The following PRKCQ variants were observed in gnomAD, a reference collection of about 807,000 sequenced individuals.
PRKCQ encodes the protein protein kinase C theta, also known as protein kinase C theta type.
Under a neutral mutation model 91.2 loss-of-function variants are expected in PRKCQ, and 41 were observed. That is an observed-to-expected ratio of 0.45 (90% CI 0.35 to 0.58). PRKCQ has a LOEUF of 0.58. PRKCQ is among the 20% of genes least tolerant of loss of function. The pLI is 0.00. For synonymous variants in PRKCQ, 307 were observed against 316.9 expected (o/e 0.97, Z 0.33); for missense variants, 673 against 896.5 (o/e 0.75, Z 3.18).
At chr10:6,411,899 C>T in the PRKCQ span, among the ~76,000 whole-genome samples, 2 of 152,130 alleles carry the variant, frequency 1.3e-5, no homozygotes, top group Admixed American at 1.3e-4. Flanking sequence ...ATAGATAACA[C>T]TTATTTGTTT....
the PRKCQ span, among the ~76,000 whole-genome samples, chr10:6,412,263 T>C: frequency 6.6e-6 from 1 of 152,212 alleles, no homozygotes; most frequent in Non-Finnish European, 1.5e-5. Context: ...GACTCTAAAG[T>C]CATATTTGGG....
intron 1 of PRKCQ, among the ~76,000 whole-genome samples, chr10:6,540,624 T>C (rs1456007692): frequency 6.6e-6 from 1 of 152,228 alleles, no homozygotes; most frequent in Non-Finnish European, 1.5e-5. Flanking sequence ...CCATTTTGTT[T>C]GTTTGTTCCT....
chr10:6,530,184 G>A (rs1199076897), intron 1 of PRKCQ, among the ~76,000 whole-genome samples: 1 of 152,140 alleles, frequency 6.6e-6, no homozygotes. Flanking sequence ...GTCAGAGAAG[G>A]AGCCTTCGAG....
intron 1 of PRKCQ, among the ~76,000 whole-genome samples, chr10:6,555,259 TA>T (rs879437095): frequency 2.6e-3 from 371 of 142,554 alleles, no homozygotes; most frequent in African/African-American, 4.6e-3. Flanking sequence ...AAATAAAAGT[TA>T]AAAAAAAAAA....
chr10:6,419,522 A>G, the PRKCQ span, among the ~76,000 whole-genome samples: 1 of 152,190 alleles, frequency 6.6e-6, no homozygotes, highest in Non-Finnish European at 1.5e-5. Flanking sequence ...TTAATTTGGC[A>G]TTTACATTAT....
chr10:6,456,597 A>C (rs112802370), intron 15 of PRKCQ, 77 bp downstream of exon 15: 37,373 of 1,544,982 alleles, frequency 0.024, 580 homozygotes, highest in Middle Eastern at 0.039. Context: ...AAACCTTCTG[A>C]TTTTCAGGGG....
chr10:6,552,565 A>G (rs540889960), intron 1 of PRKCQ, among the ~76,000 whole-genome samples: 1 of 151,722 alleles, frequency 6.6e-6, no homozygotes, highest in Admixed American at 6.6e-5. Flanking sequence ...TCTTGGGTTC[A>G]AGTGATCCTC....
In PRKCQ at chr10:6,465,872, C is replaced by T. The variant is rs1009719439; in HGVS notation, c.1354-1468G>A. Among the ~76,000 whole-genome samples, 2 of 152,226 alleles carry T rather than the reference C, an allele frequency of 1.3e-5. No homozygotes were observed. The highest frequency in any genetic ancestry group is 2.9e-5 in the Non-Finnish European group (2 of 68,042). ...CTTTAAGTGAAGCCCACCCTTTTCT[C>T]TTCTGGACAGGCCCAAATTCTCAGC... On this transcript the variant is annotated intron_variant, in intron 12 of 17. Transcript: ENST00000263125. This position sits in a 1 kb window ranked among gnomAD's most constrained non-coding sequence, Gnocchi z 4.4.
At chr10:6,558,227 G>GA (rs1204374478) in intron 1 of PRKCQ, among the ~76,000 whole-genome samples, 2 of 152,138 alleles carry the variant, frequency 1.3e-5, no homozygotes, top group African/African-American at 4.8e-5. Context: ...TATGGCTAAA[G>GA]ATATATATTA....
chr10:6,397,139 C>G, the PRKCQ span, among the ~76,000 whole-genome samples: 1 of 152,106 alleles, frequency 6.6e-6, no homozygotes, highest in East Asian at 1.9e-4. Flanking sequence ...CTTTGTTGCC[C>G]AGGCTGGAGT....
intron 16 of PRKCQ, among the ~76,000 whole-genome samples, chr10:6,437,648 TTTTTTTA>T (rs200703670): frequency 0.047 from 7,084 of 152,106 alleles, 244 homozygotes; most frequent in East Asian, 0.12. Context: ...AACTTATTAT[TTTTTTTA>T]TTTTTTATTT....
chr10:6,416,895 A>G, the PRKCQ span, among the ~76,000 whole-genome samples: 1 of 152,298 alleles, frequency 6.6e-6, no homozygotes, highest in Admixed American at 6.5e-5. Context: ...TGACTTTTAA[A>G]TTATGATCAT....
At position 6,479,156 on chromosome 10, in the gene PRKCQ, C is replaced by A. The variant is rs1836439115; in HGVS notation, c.1189G>T (p.Ala397Ser). The A allele has an allele frequency of 1.2e-6, 2 of 1,613,788 alleles. No homozygotes were observed. The highest frequency in any genetic ancestry group is 1.7e-6 in the Non-Finnish European group (2 of 1,179,832). The change falls in exon 12 of 18, where the codon GCA becomes TCA. Residue 397 changes from alanine to serine, a missense_variant. By Grantham distance (99) the Ala-to-Ser change is moderately conservative. Coordinates refer to ENST00000263125, the MANE Select transcript of PRKCQ (RefSeq NM_006257.5). ...AATTGATTGGTTTTCTTGAATTCTG[C>A]CAGGAAGACCTAGAAGGAGAGGGAA... is the stretch of plus-strand genomic sequence containing the variant. The part of the protein sequence containing the change: ...GKGSFGKVFL[A>S]EFKKTNQFFA...
chr10:6,552,220 G>C (rs1840214577), intron 1 of PRKCQ, among the ~76,000 whole-genome samples: 1 of 152,028 alleles, frequency 6.6e-6, no homozygotes, highest in Non-Finnish European at 1.5e-5. Context: ...GTATTATAAA[G>C]TGTTTCAGAT....
the PRKCQ span, among the ~76,000 whole-genome samples, chr10:6,402,006 C>T: frequency 6.6e-6 from 1 of 152,040 alleles, no homozygotes; most frequent in Non-Finnish European, 1.5e-5. Flanking sequence ...TCTAGTGACT[C>T]AAGTCCAAAA....
At chr10:6,516,226 G>T (rs586355) in intron 1 of PRKCQ, among the ~76,000 whole-genome samples, 14,472 of 152,214 alleles carry the variant, frequency 0.095, 896 homozygotes, top group Middle Eastern at 0.23. Flanking sequence ...ACCTCATCTA[G>T]CTAAGACAAA....
At chr10:6,560,905 G>A (rs1483529406) in intron 1 of PRKCQ, among the ~76,000 whole-genome samples, 1 of 152,018 alleles carries the variant, frequency 6.6e-6, no homozygotes, top group African/African-American at 2.4e-5. Flanking sequence ...CAGGCGTGGT[G>A]GTGGGCACCT....
chr10:6,460,640 G>A (rs1223278669), intron 14 of PRKCQ, among the ~76,000 whole-genome samples: 1 of 151,962 alleles, frequency 6.6e-6, no homozygotes, highest in African/African-American at 2.4e-5. Flanking sequence ...TACAGGCAAG[G>A]GCCACTACAC....
intron 15 of PRKCQ, among the ~76,000 whole-genome samples, chr10:6,453,926 T>G (rs1372153050): frequency 1.2e-4 from 17 of 138,776 alleles, no homozygotes; most frequent in South Asian, 2.3e-4. Flanking sequence ...TGTTGTGGGG[T>G]GGGGGGAGCG....
Sources: allele counts gnomAD v4.1 joint callset (sites outside exome capture counted in the v4.1 genomes callset), GRCh38; gene constraint gnomAD v4.1.1; non-coding constraint Gnocchi (gnomAD v3.1); transcripts MANE v1.5; gene names NCBI Gene and HGNC (gene_info 2026-07-23, HGNC 2026-07-21).